Variants in NAALADL2 observed in about 807,000 individuals in gnomAD.
The protein encoded by NAALADL2 is inactive N-acetylated-alpha-linked acidic dipeptidase-like protein 2.
NAALADL2 carries 76 observed loss-of-function variants against 87.2 expected under a neutral mutation model. That is an observed-to-expected ratio of 0.87 (90% CI 0.72 to 1.05). The LOEUF (loss-of-function observed/expected upper bound fraction) is 1.05, where lower values mean the gene tolerates loss of function less well. NAALADL2 is among the 50% of genes least tolerant of loss of function. The probability of loss-of-function intolerance (pLI) is 0.00; values close to 1 mark genes in which losing one functional copy is unlikely to be tolerated. For synonymous variants in NAALADL2, 354 were observed against 331.0 expected (o/e 1.07, Z -0.75); for missense variants, 1,089 against 945.8 (o/e 1.15, Z -1.99).
intron 1 of NAALADL2, among the ~76,000 whole-genome samples, chr3:174,910,653 C>T (rs150859783): frequency 2.6e-5 from 4 of 152,024 alleles, no homozygotes; most frequent in East Asian, 1.9e-4. Context: ...AATAGTGGGA[C>T]GAGCAGTGGG....
chr3:175,486,489 A>G (rs535670791), intron 9 of NAALADL2, among the ~76,000 whole-genome samples: 15 of 152,292 alleles, frequency 9.8e-5, no homozygotes, highest in East Asian at 3.9e-4. Context: ...GGCTTCACCA[A>G]TGATAAATTT....
intron 1 of NAALADL2, among the ~76,000 whole-genome samples, chr3:174,472,438 AGT>A (rs1480396614): frequency 6.6e-6 from 1 of 152,144 alleles, no homozygotes; most frequent in East Asian, 1.9e-4. Context: ...TACCAATATG[AGT>A]GTGAGTGTAT....
rs531987975 is a variant in NAALADL2, at chr3:174,865,965, C to A, written c.43+6515C>A. Among the ~76,000 whole-genome samples the A allele has an allele frequency of 8.7e-4, 132 of 151,922 alleles. 2 individuals carry two copies. In the South Asian group the frequency reaches 0.027, roughly 31 times the overall value. On this transcript the variant is annotated intron_variant, in intron 1 of 13. Coordinates refer to ENST00000454872, the MANE Select transcript of NAALADL2 (RefSeq NM_207015.3). The stretch of plus-strand genomic sequence containing the variant: ...AAACATAATAGAGATAAGATTAAGA[C>A]AATGTAACAGTTAAAATTTGTATAC...
chr3:175,384,843 T>A (rs558491675), intron 5 of NAALADL2, among the ~76,000 whole-genome samples: 1 of 152,058 alleles, frequency 6.6e-6, no homozygotes, highest in African/African-American at 2.4e-5. Flanking sequence ...AATCACTTCA[T>A]TGTTATTACC....
At chr3:175,569,853 C>G (rs62288401) in intron 9 of NAALADL2, among the ~76,000 whole-genome samples, 1 of 146,620 alleles carries the variant, frequency 6.8e-6, no homozygotes, top group East Asian at 1.9e-4. Context: ...CACACACACA[C>G]ACAGACACTT....
intron 1 of NAALADL2, among the ~76,000 whole-genome samples, chr3:174,928,393 C>G (rs935081072): frequency 6.6e-6 from 1 of 152,128 alleles, no homozygotes; most frequent in South Asian, 2.1e-4. Flanking sequence ...GCACCTACCA[C>G]TATGCCCAGC....
rs1175595400 is a variant in NAALADL2 at position 175,132,684 on chromosome 3, C to T, written c.545+35393C>T. 1.9e-4 allele frequency among the ~76,000 whole-genome samples: 25 copies of T among 134,456 alleles called. 2 individuals carry two copies. The highest frequency in any genetic ancestry group is 4.5e-4 in the African/African-American group (15 of 33,238). 88.2% of individuals were successfully genotyped at this position (134,456 alleles called of 152,430 possible). On this transcript the variant is annotated intron_variant, in intron 2 of 13. Transcript: ENST00000454872. The stretch of plus-strand genomic sequence containing the variant: ...CTGACCCCTCCACCTCCCTCCCGGA[C>T]GGGGCAGCTGGCTGGGCAGAGGGGC...
At chr3:175,065,734 A>G (rs141201099) in intron 1 of NAALADL2, among the ~76,000 whole-genome samples, 65 of 152,340 alleles carry the variant, frequency 4.3e-4, no homozygotes, top group African/African-American at 1.5e-3. Flanking sequence ...AGAGAGTCAG[A>G]AGTCACTATG....
At chr3:175,264,991 A>T (rs776062572) in intron 4 of NAALADL2, among the ~76,000 whole-genome samples, 2 of 151,674 alleles carry the variant, frequency 1.3e-5, no homozygotes, top group Non-Finnish European at 3.0e-5. Flanking sequence ...AAATAATATA[A>T]TACATGTAAG....
intron 11 of NAALADL2, among the ~76,000 whole-genome samples, chr3:175,708,821 A>C (rs909648319): frequency 7.3e-6 from 1 of 137,480 alleles, no homozygotes; most frequent in African/African-American, 3.2e-5. Context: ...TTATACCCAG[A>C]GAATAAAAAA....
intron 4 of NAALADL2, among the ~76,000 whole-genome samples, chr3:175,296,663 G>A (rs1480707370): frequency 2.6e-5 from 4 of 152,102 alleles, no homozygotes; most frequent in East Asian, 1.9e-4. Flanking sequence ...GCCTTCTAAC[G>A]GCCATATCCA....
intron 2 of NAALADL2, among the ~76,000 whole-genome samples, chr3:174,575,342 C>A (rs1337898122): frequency 6.6e-6 from 1 of 152,146 alleles, no homozygotes; most frequent in Non-Finnish European, 1.5e-5. Flanking sequence ...ACATTGCTGA[C>A]TTTCTCCTTA....
intron 2 of NAALADL2, among the ~76,000 whole-genome samples, chr3:174,716,820 A>C (rs1731237419): frequency 6.6e-6 from 1 of 152,080 alleles, no homozygotes; most frequent in South Asian, 2.1e-4. Context: ...CTTTGTTAAT[A>C]ATGTATGATT....
intron 3 of NAALADL2, among the ~76,000 whole-genome samples, chr3:174,799,169 CA>C (rs3040101): frequency 0.15 from 18,195 of 124,976 alleles, 1,264 homozygotes; most frequent in Middle Eastern, 0.27. Context: ...GACTCTGTCT[CA>C]AAAAAAAAAA....
chr3:175,785,124 C>G lies in NAALADL2; in HGVS notation c.2190-17881C>G, dbSNP rs372239739. Among the ~76,000 whole-genome samples, 34 of 150,476 alleles carry G rather than the reference C, an allele frequency of 2.3e-4. No homozygotes were observed. In the South Asian group the frequency reaches 4.2e-3, roughly 18 times the overall value. On this transcript the variant is annotated intron_variant, in intron 13 of 13. Coordinates refer to ENST00000454872, the MANE Select transcript of NAALADL2 (RefSeq NM_207015.3). ...TTGCTGAGGAGAGCTTTACTTCCAA[C>G]TATGTGGTCAATTTTGGAATAGGTG...
At chr3:175,655,812 C>T (rs1731385716) in intron 11 of NAALADL2, among the ~76,000 whole-genome samples, 1 of 152,110 alleles carries the variant, frequency 6.6e-6, no homozygotes, top group Non-Finnish European at 1.5e-5. Flanking sequence ...TTTCTATTCT[C>T]ACAGTATGGC....
chr3:175,559,859 C>T (rs1029929115), intron 9 of NAALADL2, among the ~76,000 whole-genome samples: 13 of 152,158 alleles, frequency 8.5e-5, no homozygotes, highest in African/African-American at 2.4e-4. Flanking sequence ...TGGATTATTG[C>T]ATCAATATTC....
In NAALADL2 at chr3:175,100,648, G is replaced by C. The variant is rs558009302; in HGVS notation, c.545+3357G>C. ...AGGTCAGGAGTTCAAGACCAGCCTG[G>C]CCAACATGGCGAAACTCCGTCTCTA... On this transcript the variant is annotated intron_variant, in intron 2 of 13. Transcript: ENST00000454872. Among the ~76,000 whole-genome samples, 6 of 152,136 alleles carry C rather than the reference G, an allele frequency of 3.9e-5. No homozygotes were observed. In the South Asian group the frequency reaches 1.2e-3, roughly 32 times the overall value.
chr3:175,367,899 A>G (rs1765861010), intron 5 of NAALADL2, among the ~76,000 whole-genome samples: 1 of 152,172 alleles, frequency 6.6e-6, no homozygotes, highest in Admixed American at 6.5e-5. Context: ...TATGTTGAAT[A>G]GGAGAGGTGA....
Sources: allele counts gnomAD v4.1 joint callset (sites outside exome capture counted in the v4.1 genomes callset), GRCh38; gene constraint gnomAD v4.1.1; transcripts MANE v1.5; gene names NCBI Gene and HGNC (gene_info 2026-07-23, HGNC 2026-07-21).